The following GREB1 variants were observed in gnomAD, a reference collection of about 807,000 sequenced individuals.
GREB1 encodes protein GREB1.
GREB1 carries 106 observed loss-of-function variants against 200.7 expected under a neutral mutation model. That is an observed-to-expected ratio of 0.53 (90% CI 0.45 to 0.62). The LOEUF is 0.62. Among genes scored for constraint, GREB1 ranks in the 20% least tolerant of loss-of-function variants. The probability of loss-of-function intolerance (pLI) is 0.00; values close to 1 mark genes in which losing one functional copy is unlikely to be tolerated. For missense variants in GREB1, 2,243 were observed against 2,556.8 expected (o/e 0.88, Z 2.65); for synonymous variants, 1,132 against 1,092.4 (o/e 1.04, Z -0.72).
At chr2:11,563,696 A>G (rs534939336) in intron 3 of GREB1, among the ~76,000 whole-genome samples, 3 of 152,206 alleles carry the variant, frequency 2.0e-5, no homozygotes, top group Non-Finnish European at 4.4e-5. Flanking sequence ...ATATGACACT[A>G]TGGTACCCCC....
upstream of GREB1, among the ~76,000 whole-genome samples, chr2:11,530,560 G>T (rs373059235): frequency 0.014 from 1,651 of 114,794 alleles, 15 homozygotes; most frequent in Middle Eastern, 0.039. Context: ...AGCGAGACTC[G>T]GTCTCAAAAA....
chr2:11,583,692 C>G (rs1196043727), intron 7 of GREB1, among the ~76,000 whole-genome samples: 1 of 152,026 alleles, frequency 6.6e-6, no homozygotes, highest in Non-Finnish European at 1.5e-5. Flanking sequence ...AACCCTGTCT[C>G]TACTAAAAAT....
At chr2:11,518,899 C>T (rs1673607284) in intron 1 of GREB1, among the ~76,000 whole-genome samples, 1 of 150,934 alleles carries the variant, frequency 6.6e-6, no homozygotes, top group Non-Finnish European at 1.5e-5. Context: ...GAGACTGAGA[C>T]CATCTTGGCT....
intron 1 of GREB1, among the ~76,000 whole-genome samples, chr2:11,545,812 G>T (rs1358902477): frequency 6.6e-6 from 1 of 152,186 alleles, no homozygotes; most frequent in African/African-American, 2.4e-5. Flanking sequence ...AAAAATCTCT[G>T]CACAGAGTGA....
chr2:11,641,252 CA>C lies in GREB1; in HGVS notation c.*801del, dbSNP rs912245542. ...ACTTGAAACAGACAATGAAAACAAC[CA>C]AAGTGATATATAAAATAGTTGATGA... On this transcript the variant is annotated 3_prime_UTR_variant, in exon 33 of 33. Coordinates refer to ENST00000381486, the MANE Select transcript of GREB1 (RefSeq NM_014668.4). 1 of 152,078 alleles carries C rather than the reference CA, an allele frequency of 6.6e-6. No individual in the cohort carries two copies. Among genetic ancestry groups the C allele is most frequent in the Non-Finnish European group, 1.5e-5 (1 of 68,022 alleles). The allele number at this position is 152,078 out of a possible 1,614,324, so 9.4% of individuals were successfully genotyped here.
chr2:11,612,569 G>C lies in GREB1; in HGVS notation c.3081G>C (p.Leu1027=). Reference sequence around the variant, plus strand: ...AGCTGGAGGGTCTGCCTTGCATCCTGATCTTCAGTGGGATGGACCCGCATG... The same window carrying C: ...AGCTGGAGGGTCTGCCTTGCATCCTCATCTTCAGTGGGATGGACCCGCATG... The part of the protein sequence containing the change: ...YLELEGLPCI[L]IFSGMDPHGE... The change falls in exon 19 of 33, where the codon CTG becomes CTC. Residue 1027 remains leucine, a synonymous_variant. Coordinates refer to ENST00000381486, the MANE Select transcript of GREB1 (RefSeq NM_014668.4). The C allele has an allele frequency of 6.2e-7, 1 of 1,612,600 alleles. No individual in the cohort carries two copies. The highest frequency in any genetic ancestry group is 8.5e-7 in the Non-Finnish European group (1 of 1,179,682).
chr2:11,543,198 G>A (rs7568108), intron 1 of GREB1, among the ~76,000 whole-genome samples: 105,467 of 151,996 alleles, frequency 0.69, 36,974 homozygotes, highest in South Asian at 0.84. Flanking sequence ...TATATTATCT[G>A]CTCAGAGAGG....
In GREB1 at chr2:11,641,397, G is replaced by A. The variant is rs1685795575; in HGVS notation, c.*943G>A. On this transcript the variant is annotated 3_prime_UTR_variant, in exon 33 of 33. Coordinates refer to ENST00000381486, the MANE Select transcript of GREB1 (RefSeq NM_014668.4). ...AATCTCACTTGACTAGAGAGGAGGT[G>A]GGAACAGAAGAGAGAAGGAGGCAGG... 1 of 152,202 alleles carries A rather than the reference G, an allele frequency of 6.6e-6. No homozygotes were observed. The highest frequency in any genetic ancestry group is 1.5e-5 in the Non-Finnish European group (1 of 68,050). 9.4% of individuals were successfully genotyped at this position (152,202 alleles called of 1,614,324 possible).
chr2:11,538,477 T>C (rs1445293640), intron 1 of GREB1, among the ~76,000 whole-genome samples: 1 of 152,158 alleles, frequency 6.6e-6, no homozygotes, highest in Admixed American at 6.5e-5. Flanking sequence ...AAGTTAAAGG[T>C]ATTTGCACAA....
intron 4 of GREB1, among the ~76,000 whole-genome samples, chr2:11,572,391 C>G (rs1358554312): frequency 6.6e-6 from 1 of 152,174 alleles, no homozygotes; most frequent in Non-Finnish European, 1.5e-5. Context: ...AGGGAGTGGC[C>G]CCAGCAGTAA....
At chr2:11,599,970 G>A (rs1416481797) in intron 15 of GREB1, among the ~76,000 whole-genome samples, 4 of 152,204 alleles carry the variant, frequency 2.6e-5, no homozygotes, top group African/African-American at 9.6e-5. Flanking sequence ...CCTAGGGGTT[G>A]TACCTTCAGA....
chr2:11,611,403 C>T (rs1012464590), intron 18 of GREB1, among the ~76,000 whole-genome samples: 1 of 152,152 alleles, frequency 6.6e-6, no homozygotes, highest in Non-Finnish European at 1.5e-5. Context: ...GCCTTGAGCT[C>T]CTGGGCTCCA....
chr2:11,610,997 C>A lies in GREB1; in HGVS notation c.2976C>A (p.Thr992=). The change falls in exon 18 of 33, where the codon ACC becomes ACA. Residue 992 remains threonine (T), a synonymous_variant. Coordinates refer to ENST00000381486, the MANE Select transcript of GREB1 (RefSeq NM_014668.4). ...IILGSPSSGV[T]VGKHFVKQLR... ...TGGGCAGTCCCAGCTCAGGCGTCAC[C>A]GTGGGGAAGCACTTCGTAAAGCAGC... The A allele has an allele frequency of 6.2e-7, 1 of 1,600,928 alleles. No individual in the cohort carries two copies. Among genetic ancestry groups the A allele is most frequent in the South Asian group, 1.1e-5 (1 of 89,394 alleles).
At chr2:11,496,989 G>T (rs536398439) in intron 1 of GREB1, among the ~76,000 whole-genome samples, 1 of 152,152 alleles carries the variant, frequency 6.6e-6, no homozygotes, top group Non-Finnish European at 1.5e-5. Context: ...TAGAGATGGG[G>T]TCTCACTTTG....
intron 1 of GREB1, among the ~76,000 whole-genome samples, chr2:11,545,608 A>G (rs1343189635): frequency 6.6e-6 from 1 of 152,230 alleles, no homozygotes; most frequent in Non-Finnish European, 1.5e-5. Flanking sequence ...TAATCTTTCC[A>G]ATGAATCTTT....
chr2:11,524,836 A>G (rs1167315538), intron 1 of GREB1, among the ~76,000 whole-genome samples: 1 of 152,132 alleles, frequency 6.6e-6, no homozygotes, highest in Non-Finnish European at 1.5e-5. Context: ...TTGATTTCCT[A>G]GGGTCTTTTG....
intron 9 of GREB1, chr2:11,588,255 T>C (rs6746291): frequency 0.47 from 469,455 of 1,001,912 alleles, 112,278 homozygotes; most frequent in Middle Eastern, 0.57. Flanking sequence ...GACTCAGTCT[T>C]CTGGTCTCTG....
At chr2:11,582,144 G>T (rs1558580900) in intron 7 of GREB1, among the ~76,000 whole-genome samples, 1 of 152,180 alleles carries the variant, frequency 6.6e-6, no homozygotes, top group Admixed American at 6.5e-5. Context: ...CGCTGCTGCG[G>T]CCTCCCTTCT....
chr2:11,552,029 C>T (rs894734794), intron 1 of GREB1, among the ~76,000 whole-genome samples: 8 of 152,216 alleles, frequency 5.3e-5, no homozygotes, highest in South Asian at 2.1e-4. Context: ...CTGTCCGTAA[C>T]GAGCAATCAG....
Sources: allele counts gnomAD v4.1 joint callset (sites outside exome capture counted in the v4.1 genomes callset), GRCh38; gene constraint gnomAD v4.1.1; transcripts MANE v1.5; gene names NCBI Gene and HGNC (gene_info 2026-07-23, HGNC 2026-07-21).